SGMS2: variants seen among roughly 807,000 people sequenced by gnomAD.
SGMS2 encodes sphingomyelin synthase 2, also known as phosphatidylcholine:ceramide cholinephosphotransferase 2.
SGMS2 carries 21 observed loss-of-function variants against 43.8 expected under a neutral mutation model. That is an observed-to-expected ratio of 0.48 (90% CI 0.34 to 0.69). The LOEUF (loss-of-function observed/expected upper bound fraction) is 0.69. Ranked by LOEUF, SGMS2 falls within the 30% of genes least tolerant of loss-of-function variation. SGMS2 has a pLI of 0.01. For synonymous variants in SGMS2, 167 were observed against 160.6 expected (o/e 1.04, Z -0.30); for missense variants, 384 against 443.2 (o/e 0.87, Z 1.20).
chr4:107,909,105 T>C (rs1370175469), intron 6 of SGMS2, among the ~76,000 whole-genome samples: 8 of 147,230 alleles, frequency 5.4e-5, no homozygotes, highest in Non-Finnish European at 9.0e-5. Context: ...AGCTATTTTT[T>C]TTAATTTTTT....
chr4:107,847,072 A>G (rs1359115502), intron 1 of SGMS2, among the ~76,000 whole-genome samples: 3 of 151,404 alleles, frequency 2.0e-5, no homozygotes, highest in Non-Finnish European at 4.4e-5. Flanking sequence ...TTGCCTGTTC[A>G]CTCTGATGGT....
intron 2 of SGMS2, among the ~76,000 whole-genome samples, chr4:107,879,535 C>T (rs1277978837): frequency 6.6e-6 from 1 of 151,806 alleles, no homozygotes; most frequent in Non-Finnish European, 1.5e-5. Context: ...CATCTCATCT[C>T]ACTGCAACCT....
At chr4:107,872,635 G>A (rs534258355) in intron 2 of SGMS2, among the ~76,000 whole-genome samples, 11 of 151,522 alleles carry the variant, frequency 7.3e-5, no homozygotes, top group East Asian at 3.9e-4. Context: ...GTGCCACTGC[G>A]CTCCAGCCTT....
chr4:107,896,287 C>A (rs1320082692), intron 3 of SGMS2, among the ~76,000 whole-genome samples: 1 of 152,152 alleles, frequency 6.6e-6, no homozygotes, highest in African/African-American at 2.4e-5. Context: ...TGACTTCCAG[C>A]AACTTGGTGC....
intron 2 of SGMS2, among the ~76,000 whole-genome samples, chr4:107,876,990 A>C (rs1420515897): frequency 6.6e-6 from 1 of 152,148 alleles, no homozygotes; most frequent in Non-Finnish European, 1.5e-5. Context: ...ATAAGTCTTA[A>C]ATATCTTATT....
chr4:107,879,648 G>A (rs910169770), intron 2 of SGMS2, among the ~76,000 whole-genome samples: 1 of 151,974 alleles, frequency 6.6e-6, no homozygotes, highest in Admixed American at 6.6e-5. Context: ...TTTTAGGAGA[G>A]ACAGGGTTTT....
At chr4:107,881,646 A>T (rs1729362470) in intron 2 of SGMS2, among the ~76,000 whole-genome samples, 1 of 152,134 alleles carries the variant, frequency 6.6e-6, no homozygotes, top group Non-Finnish European at 1.5e-5. Flanking sequence ...TTTTAAATGT[A>T]CAATAAATTA....
chr4:107,902,531 C>T (rs1731212934), intron 4 of SGMS2, among the ~76,000 whole-genome samples: 1 of 152,138 alleles, frequency 6.6e-6, no homozygotes. Context: ...TGGCCTAGCC[C>T]AGCGTTGTTT....
chr4:107,872,545 C>A (rs1728624618), intron 2 of SGMS2, among the ~76,000 whole-genome samples: 1 of 151,974 alleles, frequency 6.6e-6, no homozygotes, highest in Admixed American at 6.6e-5. Context: ...TATTGTGCAC[C>A]TGTAGTACCA....
upstream of SGMS2, chr4:107,824,593 C>T (rs765941692): frequency 5.3e-5 from 8 of 152,330 alleles, no homozygotes; most frequent in Non-Finnish European, 8.8e-5. Context: ...TCAGGGAGGT[C>T]AGCTCCAGGC....
At chr4:107,894,387 G>A (rs1730489342) in intron 2 of SGMS2, 1 of 152,290 alleles carries the variant, frequency 6.6e-6, no homozygotes, top group Admixed American at 6.5e-5. Context: ...AAAAGAGGTG[G>A]CAGTGGTGCC....
At chr4:107,830,749 T>C (rs1274945060) in intron 1 of SGMS2, among the ~76,000 whole-genome samples, 1 of 152,170 alleles carries the variant, frequency 6.6e-6, no homozygotes, top group Non-Finnish European at 1.5e-5. Context: ...TGTAAATGTT[T>C]AAGTTCCTCA....
At chr4:107,870,115 T>G (rs1465945201) in intron 2 of SGMS2, among the ~76,000 whole-genome samples, 1 of 152,246 alleles carries the variant, frequency 6.6e-6, no homozygotes, top group Non-Finnish European at 1.5e-5. Context: ...GTACTGGTGA[T>G]GCCTGCTATT....
intron 2 of SGMS2, chr4:107,874,066 A>G (rs1011335609): frequency 4.6e-5 from 7 of 152,186 alleles, no homozygotes; most frequent in Admixed American, 4.6e-4. Flanking sequence ...CATTGGAACT[A>G]AATTTCTTGT....
intron 6 of SGMS2, 78 bp from the exon 7 acceptor site, chr4:107,910,272 A>T: frequency 8.1e-7 from 1 of 1,240,114 alleles, no homozygotes; most frequent in Non-Finnish European, 1.2e-6. Context: ...GGTTACAGTG[A>T]ATGACAATTT....
In SGMS2 at chr4:107,903,311, CAT is replaced by C. The variant is rs754359737; in HGVS notation, c.655_656del (p.Ile219LeufsTer78). 6.2e-7 allele frequency: 1 copy of C among 1,613,966 alleles called. No individual in the cohort carries two copies. The highest frequency in any genetic ancestry group is 1.3e-5 in the African/African-American group (1 of 75,030). On this transcript the variant is annotated frameshift_variant, in exon 5 of 7. Transcript: ENST00000690982. LOFTEE classifies it high-confidence loss of function. The stretch of plus-strand genomic sequence containing the variant: ...TGGTGGATTGTCCATAACTGGATCA[CAT>C]ATCTTATGTGGAGACTTCCTCTTCA... The part of the protein sequence containing the change: ...SGGGLSITGS[H>X]ILCGDFLFSG...
chr4:107,903,206 C>T (rs138688073), intron 4 of SGMS2, 27 bp from the exon 5 acceptor site: 21,689 of 1,611,842 alleles, frequency 0.013, 196 homozygotes, highest in Non-Finnish European at 0.016. Context: ...TTGTAAATTC[C>T]CTTCTTAATC....
At chr4:107,836,361 C>A (rs1726172906) in intron 1 of SGMS2, among the ~76,000 whole-genome samples, 1 of 152,206 alleles carries the variant, frequency 6.6e-6, no homozygotes, top group African/African-American at 2.4e-5. Flanking sequence ...TGGAGTTACT[C>A]AGTGAGTGTC....
intron 1 of SGMS2, among the ~76,000 whole-genome samples, chr4:107,852,671 G>A (rs1291282608): frequency 3.3e-5 from 5 of 151,876 alleles, no homozygotes; most frequent in African/African-American, 1.2e-4. Context: ...TGTGATAGGA[G>A]CATTTCATTA....
Sources: allele counts gnomAD v4.1 joint callset (sites outside exome capture counted in the v4.1 genomes callset), GRCh38; gene constraint gnomAD v4.1.1; transcripts MANE v1.5; gene names NCBI Gene and HGNC (gene_info 2026-07-23, HGNC 2026-07-21).